Variants in LRRC4C observed in about 807,000 individuals in gnomAD.
The protein encoded by LRRC4C is leucine rich repeat containing 4C, also known as leucine-rich repeat-containing protein 4C.
A neutral mutation model predicts 33.6 loss-of-function variants in LRRC4C; 5 were observed. The observed-to-expected ratio is 0.15, with a 90% CI of 0.08 to 0.31. LRRC4C has a LOEUF of 0.31. Among genes scored for constraint, LRRC4C ranks in the 10% least tolerant of loss-of-function variants. The pLI is 1.00. For missense variants in LRRC4C, 560 were observed against 796.7 expected (o/e 0.70, Z 3.58); for synonymous variants, 329 against 302.0 (o/e 1.09, Z -0.93).
intron 2 of LRRC4C, among the ~76,000 whole-genome samples, chr11:40,651,862 C>T (rs58213211): frequency 7.0e-4 from 107 of 152,124 alleles, no homozygotes; most frequent in African/African-American, 2.0e-3. Context: ...CTTATTTATG[C>T]GTGTCTTTAT....
intron 1 of LRRC4C, among the ~76,000 whole-genome samples, chr11:41,037,574 TCA>T (rs56234239): frequency 0.14 from 20,934 of 148,772 alleles, 1,541 homozygotes; most frequent in Non-Finnish European, 0.15. Context: ...TCTTTTCCTT[TCA>T]CACACACACA....
intron 1 of LRRC4C, among the ~76,000 whole-genome samples, chr11:41,190,932 C>T (rs1217901645): frequency 2.0e-5 from 3 of 152,134 alleles, no homozygotes; most frequent in African/African-American, 4.8e-5. Flanking sequence ...CAGTAACTTA[C>T]TGTTGTATAT....
intron 4 of LRRC4C, among the ~76,000 whole-genome samples, chr11:40,252,818 T>C (rs1408045684): frequency 6.6e-6 from 1 of 152,204 alleles, no homozygotes; most frequent in Non-Finnish European, 1.5e-5. Flanking sequence ...TTATGTTTAT[T>C]CTCATAATGT....
intron 1 of LRRC4C, among the ~76,000 whole-genome samples, chr11:41,150,350 T>C (rs1363327698): frequency 6.6e-6 from 1 of 152,228 alleles, no homozygotes; most frequent in Non-Finnish European, 1.5e-5. Flanking sequence ...ATTTCATTTA[T>C]TAGAAAGTGA....
intron 1 of LRRC4C, among the ~76,000 whole-genome samples, chr11:41,295,739 C>G (rs892498772): frequency 6.6e-6 from 1 of 152,038 alleles, no homozygotes; most frequent in African/African-American, 2.4e-5. Flanking sequence ...TCCAAGCTGC[C>G]TTTTTATTAT....
intron 6 of LRRC4C, among the ~76,000 whole-genome samples, chr11:40,129,235 A>T (rs893915315): frequency 9.2e-5 from 14 of 152,164 alleles, no homozygotes; most frequent in African/African-American, 3.4e-4. Context: ...TTCACATAGC[A>T]GGAATTTCAT....
intron 4 of LRRC4C, among the ~76,000 whole-genome samples, chr11:40,312,001 T>C (rs1465699419): frequency 6.6e-6 from 1 of 151,478 alleles, no homozygotes; most frequent in Non-Finnish European, 1.5e-5. Flanking sequence ...CAGTGCTTTA[T>C]GGTTTTGTAT....
chr11:41,022,291 C>T (rs1227062270), intron 1 of LRRC4C, among the ~76,000 whole-genome samples: 2 of 106,472 alleles, frequency 1.9e-5, no homozygotes, highest in Non-Finnish European at 4.1e-5. Flanking sequence ...TTCTGGGAGT[C>T]TTAGTTTTTA....
intron 3 of LRRC4C, among the ~76,000 whole-genome samples, chr11:40,568,933 CT>C (rs1244055423): frequency 1.3e-5 from 2 of 152,136 alleles, no homozygotes; most frequent in Non-Finnish European, 2.9e-5. Flanking sequence ...TGATCATATT[CT>C]GAGTTCAATA....
intron 2 of LRRC4C, among the ~76,000 whole-genome samples, chr11:40,850,983 C>A (rs1247151599): frequency 6.6e-6 from 1 of 152,170 alleles, no homozygotes; most frequent in African/African-American, 2.4e-5. Context: ...CCTCCCCCCA[C>A]CAAGCTGGAG....
chr11:41,205,670 AC>A (rs1946572321), intron 1 of LRRC4C, among the ~76,000 whole-genome samples: 2 of 152,210 alleles, frequency 1.3e-5, no homozygotes, highest in African/African-American at 4.8e-5. Context: ...CAAACAACAA[AC>A]AAAAAAAACT....
At chr11:40,941,861 T>A (rs1475741401) in intron 1 of LRRC4C, among the ~76,000 whole-genome samples, 2 of 152,116 alleles carry the variant, frequency 1.3e-5, no homozygotes, top group Non-Finnish European at 2.9e-5. Flanking sequence ...AAGAAAATAA[T>A]GAAGGCAATT....
chr11:40,551,907 T>A (rs188556714), intron 3 of LRRC4C, among the ~76,000 whole-genome samples: 1 of 152,328 alleles, frequency 6.6e-6, no homozygotes, highest in East Asian at 1.9e-4. Flanking sequence ...TGTTTAAAGA[T>A]GAGATTAACA....
chr11:40,742,823 A>G (rs1219512297), intron 2 of LRRC4C, among the ~76,000 whole-genome samples: 1 of 152,100 alleles, frequency 6.6e-6, no homozygotes, highest in African/African-American at 2.4e-5. Flanking sequence ...GTAATGAGAT[A>G]ATATAAAAAC....
At chr11:40,471,168 C>A (rs972018656) in intron 3 of LRRC4C, among the ~76,000 whole-genome samples, 1 of 152,184 alleles carries the variant, frequency 6.6e-6, no homozygotes, top group African/African-American at 2.4e-5. Flanking sequence ...GGAAGCCCAT[C>A]AAACTAACAG....
intron 1 of LRRC4C, among the ~76,000 whole-genome samples, chr11:41,165,088 AC>A (rs1230956886): frequency 7.2e-5 from 11 of 152,006 alleles, no homozygotes; most frequent in Non-Finnish European, 1.6e-4. Context: ...CATTCTCACC[AC>A]CTGTTTCTTT....
At chr11:40,763,006 T>C (rs1176912453) in intron 2 of LRRC4C, among the ~76,000 whole-genome samples, 1 of 142,640 alleles carries the variant, frequency 7.0e-6, no homozygotes, top group Non-Finnish European at 1.5e-5. Context: ...TAAGAAAAGA[T>C]ACTCATTTGC....
intron 1 of LRRC4C, among the ~76,000 whole-genome samples, chr11:41,218,541 A>G (rs1385095488): frequency 6.6e-6 from 1 of 152,176 alleles, no homozygotes; most frequent in Non-Finnish European, 1.5e-5. Flanking sequence ...TTAATGTAGA[A>G]TATAGCAATA....
At chr11:40,642,166 A>G (rs1183892738) in intron 3 of LRRC4C, among the ~76,000 whole-genome samples, 1 of 151,968 alleles carries the variant, frequency 6.6e-6, no homozygotes, top group Non-Finnish European at 1.5e-5. Flanking sequence ...GGGGCAAGAG[A>G]GTGTGTGATT....
Sources: allele counts gnomAD v4.1 joint callset (sites outside exome capture counted in the v4.1 genomes callset), GRCh38; gene constraint gnomAD v4.1.1; transcripts MANE v1.5; gene names NCBI Gene and HGNC (gene_info 2026-07-23, HGNC 2026-07-21).